GLRA3: variants seen among roughly 807,000 people sequenced by gnomAD.
GLRA3 encodes the protein glycine receptor subunit alpha-3.
In GLRA3, 44 loss-of-function variants were observed where a neutral mutation model predicts 60.4. The ratio of observed to expected loss-of-function variants is 0.73; its 90% CI spans 0.57 to 0.94. GLRA3 has a LOEUF of 0.94. Ranked by LOEUF, GLRA3 falls within the 40% of genes least tolerant of loss-of-function variation. GLRA3 has a pLI of 0.00. For missense variants in GLRA3, 508 were observed against 564.6 expected (o/e 0.90, Z 1.02); for synonymous variants, 223 against 192.9 (o/e 1.16, Z -1.29).
At chr4:174,694,427 A>T (rs1041686468) in intron 5 of GLRA3, among the ~76,000 whole-genome samples, 1 of 152,192 alleles carries the variant, frequency 6.6e-6, no homozygotes, top group Non-Finnish European at 1.5e-5. Context: ...AGTCCGCACT[A>T]TGAAAATTAC....
Position 174,643,846 on chromosome 4 carries a change from A to T in GLRA3, c.1335T>A (p.Ile445=). ...GAATTTTATAGATAACCCAGTAGAAAATATTAAAAATCAAAAAAGCTAATG... is the reference window on the plus strand; with the variant it reads ...GAATTTTATAGATAACCCAGTAGAATATATTAAAAATCAAAAAAGCTAATG... ...CFPLAFLIFN[I]FYWVIYKILR... is the part of the protein sequence containing the mutation. The change falls in exon 10 of 10, where the codon ATT becomes ATA. Residue 445 remains isoleucine (I), a synonymous_variant. Transcript: ENST00000274093. 6.2e-7 allele frequency: 1 copy of T among 1,613,948 alleles called. No individual in the cohort carries two copies. The highest frequency in any genetic ancestry group is 8.5e-7 in the Non-Finnish European group (1 of 1,179,826).
intron 2 of GLRA3, among the ~76,000 whole-genome samples, chr4:174,776,730 A>T (rs1320899464): frequency 2.0e-5 from 3 of 152,146 alleles, no homozygotes; most frequent in African/African-American, 4.8e-5. Context: ...ACTTGTAGAC[A>T]TTTTTTTAGC....
At chr4:174,702,636 T>C (rs1247459169) in intron 5 of GLRA3, among the ~76,000 whole-genome samples, 1 of 152,156 alleles carries the variant, frequency 6.6e-6, no homozygotes, top group East Asian at 1.9e-4. Context: ...GCCGTGATCA[T>C]AGCTCACTGC....
chr4:174,766,003 A>G (rs923436238), intron 3 of GLRA3, among the ~76,000 whole-genome samples: 1 of 151,628 alleles, frequency 6.6e-6, no homozygotes, highest in African/African-American at 2.4e-5. Flanking sequence ...ATTCCAACAC[A>G]CACTCACACA....
intron 7 of GLRA3, among the ~76,000 whole-genome samples, chr4:174,666,755 TATA>T (rs1561042291): frequency 1.4e-4 from 18 of 124,422 alleles, no homozygotes; most frequent in African/African-American, 8.3e-5. Context: ...TATATATATA[TATA>T]TTATATATAT....
chr4:174,648,966 C>T (rs1281401615), intron 9 of GLRA3, among the ~76,000 whole-genome samples: 1 of 152,132 alleles, frequency 6.6e-6, no homozygotes, highest in Admixed American at 6.5e-5. Context: ...GAACCCTGTT[C>T]GATCTGTTCT....
chr4:174,741,263 A>C (rs1476064322), intron 3 of GLRA3, among the ~76,000 whole-genome samples: 1 of 152,188 alleles, frequency 6.6e-6, no homozygotes, highest in Non-Finnish European at 1.5e-5. Flanking sequence ...TGTTTAAAAA[A>C]TTAATTTCAC....
chr4:174,791,073 T>C (rs1170165945), intron 1 of GLRA3, among the ~76,000 whole-genome samples: 1 of 151,416 alleles, frequency 6.6e-6, no homozygotes, highest in East Asian at 1.9e-4. Flanking sequence ...GCACAGAATG[T>C]GGGAACGTTA....
intron 1 of GLRA3, among the ~76,000 whole-genome samples, chr4:174,826,682 G>C (rs1435160507): frequency 6.6e-6 from 1 of 152,078 alleles, no homozygotes; most frequent in Non-Finnish European, 1.5e-5. Context: ...TGTTGTTGTT[G>C]CCTCCAAATT....
intron 6 of GLRA3, among the ~76,000 whole-genome samples, chr4:174,679,583 T>C (rs1010987359): frequency 8.5e-5 from 13 of 152,250 alleles, no homozygotes; most frequent in African/African-American, 2.9e-4. Flanking sequence ...AAGAGATACA[T>C]GTTTGTTGAA....
At chr4:174,730,180 C>G (rs1017156900) in intron 3 of GLRA3, among the ~76,000 whole-genome samples, 1 of 152,182 alleles carries the variant, frequency 6.6e-6, no homozygotes, top group Non-Finnish European at 1.5e-5. Context: ...TCTACAGAAC[C>G]TGTAAATGGG....
rs191954742 is a variant in GLRA3, at chr4:174,798,741, G to A, written c.72-9798C>T. 3.5e-3 allele frequency among the ~76,000 whole-genome samples: 540 copies of A among 152,206 alleles called. 7 individuals carry two copies. The highest frequency in any genetic ancestry group is 0.014 in the East Asian group (70 of 5,164). ...AGACGGAGACCATCCTGGCTAACAC[G>A]GTGAAACCCCGTCTCTACTAAAAAT... is the stretch of plus-strand genomic sequence containing the variant. On this transcript the variant is annotated intron_variant, in intron 1 of 9. Transcript: ENST00000274093.
chr4:174,656,765 T>C lies in GLRA3; in HGVS notation c.1094A>G (p.Lys365Arg). The change falls in exon 9 of 10, where the codon AAG becomes AGG. Residue 365 changes from lysine to arginine, a missense_variant. Lys to Arg is a conservative substitution (Grantham distance 26). Transcript: ENST00000274093. ...KNKTEAFALE[K>R]FYRFSDMDDE... Reference sequence around the variant, plus strand: ...TACCATATCTGAGAAACGGTAAAACTTCTCCAGTGCAAAAGCTTCTGTCTG... The same window carrying C: ...TACCATATCTGAGAAACGGTAAAACCTCTCCAGTGCAAAAGCTTCTGTCTG... The C allele has an allele frequency of 6.3e-7, 1 of 1,587,896 alleles. No homozygotes were observed. Among genetic ancestry groups the C allele is most frequent in the East Asian group, 2.2e-5 (1 of 44,636 alleles).
chr4:174,789,681 T>A (rs949212914), intron 1 of GLRA3, among the ~76,000 whole-genome samples: 14 of 152,200 alleles, frequency 9.2e-5, no homozygotes, highest in Admixed American at 2.0e-4. Context: ...AAACCCATAG[T>A]GTAGGCTGCT....
intron 5 of GLRA3, among the ~76,000 whole-genome samples, chr4:174,701,164 C>T (rs541478823): frequency 1.3e-5 from 2 of 152,278 alleles, no homozygotes; most frequent in African/African-American, 4.8e-5. Context: ...AACAGGCTGA[C>T]TCTCTTCCTA....
Position 174,639,052 on chromosome 4 carries a change from C to A in GLRA3, c.*4734G>T, listed in dbSNP as rs1353982211. The A allele has an allele frequency of 2.0e-5, 3 of 152,146 alleles. No individual in the cohort carries two copies. Among genetic ancestry groups the A allele is most frequent in the Non-Finnish European group, 4.4e-5 (3 of 68,030 alleles). 9.4% of individuals were successfully genotyped at this position (152,146 alleles called of 1,614,324 possible). ...ACCTGTTCAGACACTACAAAGTCAT[C>A]CAATATTACTAGCTGTCTTTTGAAA... On this transcript the variant is annotated 3_prime_UTR_variant, in exon 10 of 10. Transcript: ENST00000274093.
intron 1 of GLRA3, among the ~76,000 whole-genome samples, chr4:174,794,458 A>G (rs1348897038): frequency 6.6e-6 from 1 of 152,046 alleles, no homozygotes; most frequent in Non-Finnish European, 1.5e-5. Flanking sequence ...CAATCAAAAT[A>G]CAACACAATT....
At chr4:174,685,474 G>A (rs1244555095) in intron 5 of GLRA3, among the ~76,000 whole-genome samples, 4 of 152,094 alleles carry the variant, frequency 2.6e-5, no homozygotes, top group Admixed American at 6.6e-5. Flanking sequence ...AGTGCTATTC[G>A]GTAGAGTTTG....
intron 4 of GLRA3, among the ~76,000 whole-genome samples, chr4:174,718,203 T>A (rs1735996907): frequency 6.6e-6 from 1 of 152,202 alleles, no homozygotes; most frequent in Non-Finnish European, 1.5e-5. Flanking sequence ...AAAATACGTG[T>A]CAACTTGGTG....
Sources: allele counts gnomAD v4.1 joint callset (sites outside exome capture counted in the v4.1 genomes callset), GRCh38; gene constraint gnomAD v4.1.1; transcripts MANE v1.5; gene names NCBI Gene and HGNC (gene_info 2026-07-23, HGNC 2026-07-21).